ZNF705A: variants seen among roughly 807,000 people sequenced by gnomAD.
ZNF705A encodes the protein zinc finger protein 705A.
In ZNF705A, 8 loss-of-function variants were observed where a neutral mutation model predicts 16.6. That is an observed-to-expected ratio of 0.48 (90% CI 0.28 to 0.87). The LOEUF is 0.87. Among genes scored for constraint, ZNF705A ranks in the 40% least tolerant of loss-of-function variants. The pLI is 0.10. For missense variants in ZNF705A, 233 were observed against 359.9 expected (o/e 0.65, Z 2.85); for synonymous variants, 73 against 117.3 (o/e 0.62, Z 2.44).
intron 1 of ZNF705A, among the ~76,000 whole-genome samples, chr12:8,164,654 A>G (rs1478442572): frequency 6.6e-6 from 1 of 152,192 alleles, no homozygotes; most frequent in African/African-American, 2.4e-5. Context: ...GTTCCTCCAA[A>G]GAACATGATC....
intron 1 of ZNF705A, among the ~76,000 whole-genome samples, chr12:8,164,934 T>G (rs1334964236): frequency 6.6e-6 from 1 of 152,218 alleles, no homozygotes; most frequent in Non-Finnish European, 1.5e-5. Context: ...ATAGTTGAAC[T>G]AATTTACATT....
chr12:8,168,391 C>T (rs1948417641), upstream of ZNF705A, among the ~76,000 whole-genome samples: 1 of 152,216 alleles, frequency 6.6e-6, no homozygotes, highest in Admixed American at 6.5e-5. Flanking sequence ...TATCATTAGA[C>T]ATTTGTCCCA....
chr12:8,165,012 A>C (rs1230022283), intron 1 of ZNF705A, among the ~76,000 whole-genome samples: 1 of 152,156 alleles, frequency 6.6e-6, no homozygotes, highest in East Asian at 1.9e-4. Context: ...TATTTAAAAA[A>C]ATTTTGAGAA....
intron 1 of ZNF705A, 115 bp from the exon 3 acceptor site, chr12:8,174,211 C>A (rs998088336): frequency 1.3e-5 from 20 of 1,585,676 alleles, no homozygotes; most frequent in African/African-American, 9.4e-5. Context: ...CTGGCTGGAA[C>A]CCAAAACACT....
intron 4 of ZNF705A, 43 bp downstream of exon 5, chr12:8,175,985 C>T: frequency 1.2e-6 from 2 of 1,608,924 alleles, no homozygotes; most frequent in South Asian, 1.1e-5. Context: ...AAGTTAAAGA[C>T]ATGGTAATGG....
At chr12:8,174,525 T>G (rs1307943666) in intron 2 of ZNF705A, 73 bp downstream of exon 3, 15 of 1,593,336 alleles carry the variant, frequency 9.4e-6, no homozygotes, top group Admixed American at 1.7e-5. Context: ...TTAGAACAGC[T>G]TCCCCATATC....
chr12:8,159,120 C>T (rs1481864064), intron 1 of ZNF705A, among the ~76,000 whole-genome samples: 2 of 152,080 alleles, frequency 1.3e-5, no homozygotes, highest in East Asian at 1.9e-4. Flanking sequence ...GTCTCATCCA[C>T]GTCCCTGCAA....
chr12:8,175,584 T>A (rs1948478822), intron 3 of ZNF705A, among the ~76,000 whole-genome samples: 1 of 152,174 alleles, frequency 6.6e-6, no homozygotes, highest in Non-Finnish European at 1.5e-5. Flanking sequence ...TTTCATATGC[T>A]GACTCTTTCC....
At chr12:8,164,415 T>C (rs894519688) in intron 1 of ZNF705A, among the ~76,000 whole-genome samples, 9 of 152,226 alleles carry the variant, frequency 5.9e-5, no homozygotes, top group African/African-American at 2.2e-4. Flanking sequence ...ATGACAGGGT[T>C]TCATTATTAT....
At chr12:8,171,284 G>T (rs1199271849), upstream of ZNF705A, among the ~76,000 whole-genome samples, 1 of 152,086 alleles carries the variant, frequency 6.6e-6, no homozygotes, top group East Asian at 1.9e-4. Context: ...TACATAAAAT[G>T]TATTTAATTA....
intron 1 of ZNF705A, among the ~76,000 whole-genome samples, chr12:8,165,166 G>A (rs960628151): frequency 6.6e-6 from 1 of 151,872 alleles, no homozygotes; most frequent in African/African-American, 2.4e-5. Flanking sequence ...GATATTTCAT[G>A]GTGGTTTTTA....
chr12:8,178,756 G>C (rs1399781300), exon 5 of ZNF705A: 1 of 152,218 alleles, frequency 6.6e-6, no homozygotes, highest in Non-Finnish European at 1.5e-5. Context: ...ACAATCTGTT[G>C]TTGAAAAAAC....
chr12:8,178,911 C>G, exon 5 of ZNF705A: 1 of 152,240 alleles, frequency 6.6e-6, no homozygotes, highest in South Asian at 2.1e-4. Flanking sequence ...CCTCACAGCT[C>G]ACCTCCCTTT....
At chr12:8,172,660 T>C in intron 1 of ZNF705A, 23 bp downstream of exon 2, 1 of 1,596,330 alleles carries the variant, frequency 6.3e-7, no homozygotes. Flanking sequence ...TGCTTCTTTC[T>C]ACTGAAATTA....
upstream of ZNF705A, among the ~76,000 whole-genome samples, chr12:8,170,126 T>C (rs1324902661): frequency 2.0e-5 from 3 of 149,324 alleles, no homozygotes; most frequent in African/African-American, 5.0e-5. Flanking sequence ...GAGGTGGAGG[T>C]TGCAGTGAGC....
chr12:8,161,363 G>A (rs1948353455), intron 1 of ZNF705A, among the ~76,000 whole-genome samples: 1 of 152,088 alleles, frequency 6.6e-6, no homozygotes, highest in Non-Finnish European at 1.5e-5. Context: ...CTGTGGAATA[G>A]TGTCAAAAGG....
Position 8,172,598 on chromosome 12 carries a change from T to C in ZNF705A, c.-28T>C. The C allele has an allele frequency of 6.3e-7, 1 of 1,596,446 alleles. No homozygotes were observed. Among genetic ancestry groups the C allele is most frequent in the East Asian group, 2.2e-5 (1 of 44,882 alleles). Reference sequence around the variant, plus strand: ...GTGTCTGCACATGGAAATCCAGAGGTAGACAGAGAGAAACTGAGTTCCGGA... The same window carrying C: ...GTGTCTGCACATGGAAATCCAGAGGCAGACAGAGAGAAACTGAGTTCCGGA... On this transcript the variant is annotated 5_prime_UTR_variant, in exon 1 of 5. An upstream open reading frame in the 5' UTR loses its in-frame stop. Coordinates refer to ENST00000359286, the Ensembl canonical transcript of ZNF705A.
chr12:8,176,611 T>G (rs1302300006), intron 4 of ZNF705A, among the ~76,000 whole-genome samples: 1 of 152,162 alleles, frequency 6.6e-6, no homozygotes, highest in Non-Finnish European at 1.5e-5. Context: ...CAATCAGATA[T>G]GCATTTGTGT....
intron 1 of ZNF705A, among the ~76,000 whole-genome samples, chr12:8,162,783 C>T (rs746944085): frequency 6.6e-6 from 1 of 152,320 alleles, no homozygotes; most frequent in Non-Finnish European, 1.5e-5. Flanking sequence ...CAGTTGGTTT[C>T]ATTAATGACC....
Sources: gnomAD v4.1 joint callset for allele counts (sites outside exome capture counted in the v4.1 genomes callset) on GRCh38, gnomAD v4.1.1 for gene constraint, MANE v1.5 for transcripts, NCBI Gene and HGNC (gene_info 2026-07-23, HGNC 2026-07-21) for gene names.